The following POLD3 variants were observed in gnomAD, a reference collection of about 807,000 sequenced individuals.
POLD3 encodes the protein DNA polymerase delta subunit 3.
Under a neutral mutation model 58.2 loss-of-function variants are expected in POLD3, and 19 were observed. The ratio of observed to expected loss-of-function variants is 0.33; its 90% confidence interval spans 0.23 to 0.48. POLD3 has a LOEUF of 0.48. POLD3 is among the 20% of genes least tolerant of loss of function. POLD3 has a pLI of 0.99. For missense variants in POLD3, 504 were observed against 545.5 expected, an observed-to-expected ratio of 0.92 and a Z score of 0.76; for synonymous variants, 172 against 193.5, an observed-to-expected ratio of 0.89 and a Z score of 0.92.
In POLD3 at chr11:74,640,901, G is replaced by A. The variant is rs1384954407; in HGVS notation, c.*135G>A. 2 of 1,296,740 alleles carry A rather than the reference G, an allele frequency of 1.5e-6. No homozygotes were observed. Among genetic ancestry groups the A allele is most frequent in the African/African-American group, 1.5e-5 (1 of 65,706 alleles). 80.3% of individuals were successfully genotyped at this position (1,296,740 alleles called of 1,614,324 possible). On this transcript the variant is annotated 3_prime_UTR_variant, in exon 12 of 12. Transcript: ENST00000263681. ...AAAAGACTGTTCTTTCATCCTGTGA[G>A]GTTTATACTATTTCTGGTTTTTAAC...
chr11:74,640,596 A>G lies in POLD3; in HGVS notation c.1231A>G (p.Thr411Ala). 3.1e-6 allele frequency: 5 copies of G among 1,599,414 alleles called. No homozygotes were observed. The South Asian group carries it at 5.7e-5, about 18-fold the overall frequency. Residue 411 changes from threonine (T) to alanine (A), a missense_variant, in exon 12 of 12, where the codon ACA (threonine) becomes GCA (alanine). This residue lies in a region of POLD3 where 385 missense variants were observed against 370.5 expected (regional missense o/e 1.04). Coordinates refer to ENST00000263681, the MANE Select transcript of POLD3 (RefSeq NM_006591.3). ...TEKVYESESC[T>A]DSEEELNMKT... ...AAAAGTCTACGAGAGTGAATCCTGC[A>G]CAGATAGTGAAGAGGAGCTTAACAT...
chr11:74,625,465 A>T lies in POLD3; in HGVS notation c.791A>T (p.Glu264Val), dbSNP rs2032398652. The T allele has an allele frequency of 1.2e-6, 2 of 1,613,420 alleles. No individual in the cohort carries two copies. The highest frequency in any genetic ancestry group is 1.7e-6 in the Non-Finnish European group (2 of 1,179,648). The change falls in exon 8 of 12, where the codon GAG (glutamate) becomes GTG (valine). Residue 264 changes from glutamate to valine, a missense_variant. By Grantham distance (121) the Glu-to-Val change is moderately radical. Transcript: ENST00000263681. ...EQAVKEEKIV[E>V]QPTVSVTEPK... ...GCAGTGAAAGAAGAAAAAATAGTGGAGCAGCCTACAGTGTCTGTCACGGAA... is the reference window on the plus strand; with the variant it reads ...GCAGTGAAAGAAGAAAAAATAGTGGTGCAGCCTACAGTGTCTGTCACGGAA...
intron 3 of POLD3, among the ~76,000 whole-genome samples, chr11:74,609,372 A>ATTT (rs869157886): frequency 2.2e-4 from 6 of 27,192 alleles, no homozygotes; most frequent in Non-Finnish European, 3.0e-4. Context: ...ATATATATAT[A>ATTT]TTTTTTTTTT....
At chr11:74,611,471 G>A in intron 3 of POLD3, 28 bp from the exon 4 acceptor site, 2 of 1,386,244 alleles carry the variant, frequency 1.4e-6, no homozygotes, top group Non-Finnish European at 2.0e-6. Flanking sequence ...CTTACATTAA[G>A]CACTAATAAA....
intron 11 of POLD3, among the ~76,000 whole-genome samples, chr11:74,637,412 G>T: frequency 7.1e-6 from 1 of 141,718 alleles, no homozygotes; most frequent in Non-Finnish European, 1.5e-5. Context: ...ACTTTGAATG[G>T]GTTTTTTTTT....
At position 74,609,356 on chromosome 11, in the gene POLD3, ATATATATATATATATATTTTTTT is replaced by A. The variant is rs2031809442; in HGVS notation, c.220-2141_220-2119del. On this transcript the variant is annotated intron_variant, in intron 3 of 11. Transcript: ENST00000263681. ...CTTCCATTGTTTTTGATATATATAT[ATATATATATATATATATTTTTTT>A]TTTTTTTTTTTTTTTTTTTGAGATG... is the stretch of plus-strand genomic sequence containing the variant. Among the ~76,000 whole-genome samples, 5 of 22,952 alleles carry A rather than the reference ATATATATATATATATATTTTTTT, an allele frequency of 2.2e-4. No individual in the cohort carries two copies. The South Asian group carries it at 5.2e-3, about 24-fold the overall frequency. The allele number at this position is 22,952 out of a possible 152,430, so 15.1% of individuals were successfully genotyped here. A position where few individuals can be genotyped will look rare whatever the true frequency, so the allele number is the denominator to read the frequency against.
chr11:74,594,651 G>A (rs1032209177), intron 2 of POLD3, among the ~76,000 whole-genome samples: 1 of 152,132 alleles, frequency 6.6e-6, no homozygotes, highest in Non-Finnish European at 1.5e-5. Context: ...GTTATCTTGG[G>A]TATTTGTGTT....
chr11:74,597,862 C>A lies in POLD3; in HGVS notation c.116+3746C>A, dbSNP rs182867355. On this transcript the variant is annotated intron_variant, in intron 2 of 11. Coordinates refer to ENST00000263681, the MANE Select transcript of POLD3 (RefSeq NM_006591.3). Reference sequence around the variant, plus strand: ...GGCTGAGGTAGGAGGATTGCTTGAGCCCAGGAGTTCAAGACAAGCCTGGGC... The same window carrying A: ...GGCTGAGGTAGGAGGATTGCTTGAGACCAGGAGTTCAAGACAAGCCTGGGC... Among the ~76,000 whole-genome samples, 428 of 152,226 alleles carry A rather than the reference C, an allele frequency of 2.8e-3. 3 individuals are homozygous for A. The highest frequency in any genetic ancestry group is 9.7e-3 in the African/African-American group (403 of 41,544).
Position 74,618,752 on chromosome 11 carries a change from A to C in POLD3, c.608A>C (p.Lys203Thr). ...ATGTTTGCCTCCAAAGCTGCTGCTAAAACCCAAGAAACCAACAAGGAAACG... is the reference window on the plus strand; with the variant it reads ...ATGTTTGCCTCCAAAGCTGCTGCTACAACCCAAGAAACCAACAAGGAAACG... ...MGMFASKAAA[K>T]TQETNKETKT... The change falls in exon 6 of 12, where the codon AAA becomes ACA. Residue 203 changes from lysine to threonine, a missense_variant. Around this residue, in one of 2 missense-constraint regions of POLD3, gnomAD observed 385 missense variants for 370.5 expected, o/e 1.04. Transcript: ENST00000263681. The C allele has an allele frequency of 1.2e-6, 2 of 1,614,064 alleles. No homozygotes were observed. The highest frequency in any genetic ancestry group is 1.7e-6 in the Non-Finnish European group (2 of 1,179,920).
chr11:74,639,848 C>T (rs2032862625), intron 11 of POLD3, among the ~76,000 whole-genome samples: 1 of 152,212 alleles, frequency 6.6e-6, no homozygotes, highest in Admixed American at 6.5e-5. Context: ...AACTTTGTTT[C>T]TCAATTTATC....
intron 9 of POLD3, 86 bp from the exon 10 acceptor site, chr11:74,634,497 C>A: frequency 1.3e-6 from 1 of 754,158 alleles, no homozygotes; most frequent in Non-Finnish European, 2.4e-6. Context: ...CTTTGCTGGA[C>A]ATGTCAATTT....
At chr11:74,605,214 T>G (rs1210104533) in intron 3 of POLD3, among the ~76,000 whole-genome samples, 1 of 152,240 alleles carries the variant, frequency 6.6e-6, no homozygotes, top group African/African-American at 2.4e-5. Context: ...TCTAAGTGCC[T>G]GAAGGGTAAG....
chr11:74,658,927 G>T (rs1343659785), intron 4 of POLD3, among the ~76,000 whole-genome samples: 1 of 152,168 alleles, frequency 6.6e-6, no homozygotes, highest in African/African-American at 2.4e-5. Context: ...TCTAGAGGAT[G>T]GTAGTCCTCT....
chr11:74,615,924 G>A (rs1387883006), intron 5 of POLD3, among the ~76,000 whole-genome samples: 1 of 151,562 alleles, frequency 6.6e-6, no homozygotes, highest in Non-Finnish European at 1.5e-5. Context: ...AGTATAATAA[G>A]CATACAAATA....
chr11:74,632,095 C>A (rs976102264), intron 9 of POLD3, among the ~76,000 whole-genome samples: 1 of 152,162 alleles, frequency 6.6e-6, no homozygotes, highest in African/African-American at 2.4e-5. Context: ...ATAGTTAAGT[C>A]TTTGCTAATA....
chr11:74,658,874 C>G (rs1465447324), intron 4 of POLD3, among the ~76,000 whole-genome samples: 1 of 152,150 alleles, frequency 6.6e-6, no homozygotes, highest in East Asian at 1.9e-4. Context: ...GTGGCTTTTC[C>G]AGGTGCACGG....
At chr11:74,609,533 G>C (rs772952416) in intron 3 of POLD3, among the ~76,000 whole-genome samples, 1 of 150,270 alleles carries the variant, frequency 6.7e-6, no homozygotes, top group Non-Finnish European at 1.5e-5. Flanking sequence ...GGCGTCCACC[G>C]CCACGCCCTG....
intron 7 of POLD3, among the ~76,000 whole-genome samples, chr11:74,620,349 A>G (rs2032214837): frequency 6.6e-6 from 1 of 152,090 alleles, no homozygotes; most frequent in Admixed American, 6.6e-5. Context: ...AAGATAATGA[A>G]CTATTTGCTT....
At chr11:74,629,768 C>T (rs2032538809) in intron 9 of POLD3, among the ~76,000 whole-genome samples, 1 of 151,942 alleles carries the variant, frequency 6.6e-6, no homozygotes, top group Admixed American at 6.6e-5. Context: ...GTGGACCCTT[C>T]TAGTTTTAGG....
Sources: gnomAD v4.1 joint callset for allele counts (sites outside exome capture counted in the v4.1 genomes callset) on GRCh38, gnomAD v4.1.1 for gene constraint, gnomAD v4.1.1 regional missense constraint, MANE v1.5 for transcripts, NCBI Gene and HGNC (gene_info 2026-07-23, HGNC 2026-07-21) for gene names.